GALNTL6: variants seen among roughly 807,000 people sequenced by gnomAD.
The protein encoded by GALNTL6 is polypeptide N-acetylgalactosaminyltransferase like 6.
GALNTL6 carries 46 observed loss-of-function variants against 73.7 expected under a neutral mutation model. The ratio of observed to expected loss-of-function variants is 0.62; its 90% CI spans 0.49 to 0.80. The LOEUF (loss-of-function observed/expected upper bound fraction) is 0.80, where lower values mean the gene tolerates loss of function less well. Ranked by LOEUF, GALNTL6 falls within the 30% of genes least tolerant of loss-of-function variation. The pLI is 0.00. For synonymous variants in GALNTL6, 259 were observed against 263.7 expected (o/e 0.98, Z 0.17); for missense variants, 604 against 755.0 (o/e 0.80, Z 2.34).
chr4:171,852,512 CT>C (rs1459571937), intron 2 of GALNTL6, among the ~76,000 whole-genome samples: 2 of 96,118 alleles, frequency 2.1e-5, no homozygotes, highest in East Asian at 6.5e-4. Flanking sequence ...TAAATATTAG[CT>C]TTCTTTATAT....
intron 5 of GALNTL6, among the ~76,000 whole-genome samples, chr4:172,457,140 G>A (rs539371289): frequency 1.8e-3 from 267 of 151,938 alleles, no homozygotes; most frequent in African/African-American, 6.1e-3. Flanking sequence ...TCCTTTACAG[G>A]CAAGCAAATG....
intron 2 of GALNTL6, among the ~76,000 whole-genome samples, chr4:171,962,250 A>G (rs978439907): frequency 2.0e-5 from 3 of 152,194 alleles, no homozygotes; most frequent in East Asian, 1.9e-4. Flanking sequence ...TTTGAACAAG[A>G]TCAACTCCAT....
chr4:171,880,776 C>T (rs142664137), intron 2 of GALNTL6, among the ~76,000 whole-genome samples: 66 of 152,022 alleles, frequency 4.3e-4, no homozygotes, highest in Admixed American at 7.9e-4. Flanking sequence ...AGAGAGCTTC[C>T]CCCTCTGCCC....
chr4:172,932,645 A>G (rs1468371556), intron 9 of GALNTL6, among the ~76,000 whole-genome samples: 1 of 152,226 alleles, frequency 6.6e-6, no homozygotes, highest in Non-Finnish European at 1.5e-5. Flanking sequence ...ATATTCACAT[A>G]TACATAATGA....
At chr4:171,831,328 T>C (rs1305642932) in intron 2 of GALNTL6, among the ~76,000 whole-genome samples, 2 of 152,008 alleles carry the variant, frequency 1.3e-5, no homozygotes, top group African/African-American at 4.8e-5. Flanking sequence ...ACAAGCTTTA[T>C]TTGGTAGAGG....
intron 5 of GALNTL6, among the ~76,000 whole-genome samples, chr4:172,671,296 T>C (rs1017539355): frequency 2.6e-5 from 4 of 152,206 alleles, no homozygotes; most frequent in African/African-American, 9.7e-5. Flanking sequence ...GGAATGTTTT[T>C]CCATTTGTTT....
chr4:172,230,093 A>C (rs1425847685), intron 3 of GALNTL6, among the ~76,000 whole-genome samples: 2 of 152,190 alleles, frequency 1.3e-5, no homozygotes, highest in Non-Finnish European at 2.9e-5. Flanking sequence ...TATCTTGAGC[A>C]AGATTGACTC....
intron 2 of GALNTL6, among the ~76,000 whole-genome samples, chr4:172,202,104 T>A (rs1560967333): frequency 1.3e-5 from 2 of 152,200 alleles, no homozygotes; most frequent in Non-Finnish European, 2.9e-5. Context: ...CATGTAAATG[T>A]AGATATCTTG....
chr4:172,952,362 G>A, intron 10 of GALNTL6, 104 bp downstream of exon 10: 1 of 703,162 alleles, frequency 1.4e-6, no homozygotes. Flanking sequence ...CTTTTACCCT[G>A]CAGCCAAGTA....
intron 2 of GALNTL6, among the ~76,000 whole-genome samples, chr4:171,837,336 A>T (rs905278682): frequency 6.6e-6 from 1 of 152,034 alleles, no homozygotes; most frequent in African/African-American, 2.4e-5. Context: ...AACTAAATGC[A>T]AGGCATGAGA....
intron 5 of GALNTL6, among the ~76,000 whole-genome samples, chr4:172,712,562 T>C (rs567034679): frequency 8.5e-4 from 130 of 152,314 alleles, no homozygotes; most frequent in Non-Finnish European, 1.6e-3. Flanking sequence ...AAAGTTCTGG[T>C]GGTCCTTGAG....
At chr4:172,204,348 A>G (rs1302916662) in intron 2 of GALNTL6, among the ~76,000 whole-genome samples, 1 of 152,200 alleles carries the variant, frequency 6.6e-6, no homozygotes, top group Non-Finnish European at 1.5e-5. Flanking sequence ...CTATCATTAA[A>G]GATTCAGTAT....
At chr4:172,056,251 T>A (rs1731016275) in intron 2 of GALNTL6, among the ~76,000 whole-genome samples, 1 of 152,162 alleles carries the variant, frequency 6.6e-6, no homozygotes, top group South Asian at 2.1e-4. Flanking sequence ...AAGTATGCAT[T>A]TTATCATTCA....
intron 8 of GALNTL6, among the ~76,000 whole-genome samples, chr4:172,912,403 A>T (rs2332610): frequency 0.11 from 16,676 of 152,292 alleles, 1,255 homozygotes; most frequent in Non-Finnish European, 0.16. Flanking sequence ...AGTGTGAGCC[A>T]AAGCAGGGCA....
rs73871843 is a variant in GALNTL6, at chr4:172,812,295, T to C, written c.740-1245T>C. ...AACTTTATCCCCAACACAAATTACATTTACTCCACAATCTCTGGGGAAACA... is the reference window on the plus strand; with the variant it reads ...AACTTTATCCCCAACACAAATTACACTTACTCCACAATCTCTGGGGAAACA... On this transcript the variant is annotated intron_variant, in intron 6 of 12. Transcript: ENST00000506823. Among the ~76,000 whole-genome samples, 754 of 152,290 alleles carry C rather than the reference T, an allele frequency of 5.0e-3. 9 individuals carry two copies. Among genetic ancestry groups the C allele is most frequent in the African/African-American group, 0.017 (725 of 41,562 alleles).
chr4:172,642,948 A>C (rs1328083726), intron 5 of GALNTL6, among the ~76,000 whole-genome samples: 1 of 151,868 alleles, frequency 6.6e-6, no homozygotes, highest in Non-Finnish European at 1.5e-5. Flanking sequence ...CATAATTACA[A>C]AGGTTAAATT....
chr4:172,722,489 A>C (rs17058802), intron 5 of GALNTL6, among the ~76,000 whole-genome samples: 22,480 of 152,054 alleles, frequency 0.15, 1,933 homozygotes, highest in East Asian at 0.26. Context: ...CTTTCATAAA[A>C]TAGCTTGAGT....
chr4:171,963,468 T>TAA (rs10634763), intron 2 of GALNTL6, among the ~76,000 whole-genome samples: 65,068 of 151,818 alleles, frequency 0.43, 14,350 homozygotes, highest in Middle Eastern at 0.55. Flanking sequence ...AGAGTGTTAT[T>TAA]TAAAGAGTGG....
At chr4:172,211,147 A>G (rs1466460127) in intron 2 of GALNTL6, among the ~76,000 whole-genome samples, 2 of 152,162 alleles carry the variant, frequency 1.3e-5, no homozygotes, top group Non-Finnish European at 2.9e-5. Flanking sequence ...TTCTAACATT[A>G]TAAGATGCTC....
Sources: gnomAD v4.1 joint callset for allele counts (sites outside exome capture counted in the v4.1 genomes callset) on GRCh38, gnomAD v4.1.1 for gene constraint, MANE v1.5 for transcripts, NCBI Gene and HGNC (gene_info 2026-07-23, HGNC 2026-07-21) for gene names.